Variants in CLDN1 observed in about 807,000 individuals in gnomAD.
CLDN1 encodes claudin-1.
In CLDN1, 12 loss-of-function variants were observed where a neutral mutation model predicts 22.6. The ratio of observed to expected loss-of-function variants is 0.53; its 90% CI spans 0.34 to 0.86. CLDN1 has a LOEUF of 0.86. CLDN1 is among the 40% of genes least tolerant of loss of function. CLDN1 has a pLI of 0.02. For synonymous variants in CLDN1, 99 were observed against 103.8 expected, an observed-to-expected ratio of 0.95 and a Z score of 0.28; for missense variants, 250 against 269.5, an observed-to-expected ratio of 0.93 and a Z score of 0.51.
chr3:190,315,120 T>C (rs1457273776), intron 1 of CLDN1, among the ~76,000 whole-genome samples: 1 of 152,132 alleles, frequency 6.6e-6, no homozygotes, highest in Non-Finnish European at 1.5e-5. Context: ...AAATAACAAA[T>C]AAAATAACTA....
intron 2 of CLDN1, among the ~76,000 whole-genome samples, chr3:190,311,694 C>G (rs151057429): frequency 1.3e-5 from 2 of 150,432 alleles, no homozygotes; most frequent in Non-Finnish European, 3.0e-5. Context: ...ATTATTATAG[C>G]TGTATAATTT....
intron 2 of CLDN1, among the ~76,000 whole-genome samples, chr3:190,312,084 C>T (rs1207403776): frequency 1.3e-5 from 2 of 151,734 alleles, no homozygotes; most frequent in African/African-American, 2.4e-5. Context: ...GCGTGCACCA[C>T]CACACCCAGC....
chr3:190,311,832 G>A (rs1023552241), intron 2 of CLDN1, among the ~76,000 whole-genome samples: 2 of 151,620 alleles, frequency 1.3e-5, no homozygotes, highest in Non-Finnish European at 1.5e-5. Flanking sequence ...TTTTAAATAG[G>A]CATTATTATA....
Position 190,310,261 on chromosome 3 carries a change from A to T in CLDN1, c.389-8T>A. ...CAACTAAAATAGCCAGACCTATAGA[A>T]ATTCAAAACAAAAGACTGTTAATCA... On this transcript the variant is annotated splice_region_variant and splice_polypyrimidine_tract_variant and intron_variant, in intron 2 of 3. Transcript: ENST00000295522. 6.2e-7 allele frequency: 1 copy of T among 1,609,094 alleles called. No individual in the cohort carries two copies. The highest frequency in any genetic ancestry group is 8.5e-7 in the Non-Finnish European group (1 of 1,175,750).
chr3:190,322,188 G>T lies in CLDN1; in HGVS notation c.19C>A (p.Gln7Lys). 3.1e-6 allele frequency: 5 copies of T among 1,613,960 alleles called. No individual in the cohort carries two copies. Among genetic ancestry groups the T allele is most frequent in the Non-Finnish European group, 4.2e-6 (5 of 1,180,026 alleles). MANAGL[Q>K]LLGFILAFLG... ...AAGGCGAGAATGAAGCCCAACAGCT[G>T]CAGCCCCGCGTTGGCCATGACTCGC... Residue 7 changes from glutamine (Q) to lysine (K), a missense_variant, in exon 1 of 4, where the codon CAG becomes AAG. By Grantham distance (53) the Gln-to-Lys change is moderately conservative. Coordinates refer to ENST00000295522, the MANE Select transcript of CLDN1 (RefSeq NM_021101.5).
At chr3:190,319,963 T>A (rs1466399326) in intron 1 of CLDN1, among the ~76,000 whole-genome samples, 1 of 152,184 alleles carries the variant, frequency 6.6e-6, no homozygotes, top group African/African-American at 2.4e-5. Context: ...GAATGGGTTT[T>A]GAGAGAAAGG....
At chr3:190,312,688 T>G (rs1376857095) in intron 2 of CLDN1, among the ~76,000 whole-genome samples, 184 bp downstream of exon 2, 1 of 152,234 alleles carries the variant, frequency 6.6e-6, no homozygotes, top group Non-Finnish European at 1.5e-5. Context: ...CTGTCAGATG[T>G]GAGCAGAGCT....
rs936354853 is a variant in CLDN1 at position 190,315,220 on chromosome 3, T to G, written c.224-2184A>C. ...GGCAGAGATATGCCTGAAGAGGAGA[T>G]GCTGAAAGTAACAAAGATGATCCAT... On this transcript the variant is annotated intron_variant, in intron 1 of 3. Transcript: ENST00000295522. 9.9e-5 allele frequency among the ~76,000 whole-genome samples: 15 copies of G among 152,238 alleles called. No individual in the cohort carries two copies. In the South Asian group the frequency reaches 2.3e-3, roughly 23 times the overall value.
chr3:190,313,646 A>C (rs1467053199), intron 1 of CLDN1, among the ~76,000 whole-genome samples: 1 of 152,220 alleles, frequency 6.6e-6, no homozygotes, highest in Non-Finnish European at 1.5e-5. Context: ...AAAACTAAAC[A>C]AAATAACCTT....
At chr3:190,317,979 G>A (rs561041197) in intron 1 of CLDN1, among the ~76,000 whole-genome samples, 2 of 152,184 alleles carry the variant, frequency 1.3e-5, no homozygotes, top group African/African-American at 4.8e-5. Flanking sequence ...AAAATATTGT[G>A]CTTCCTTCTC....
chr3:190,321,783 G>A (rs1033959101), intron 1 of CLDN1, among the ~76,000 whole-genome samples: 1 of 152,200 alleles, frequency 6.6e-6, no homozygotes, highest in African/African-American at 2.4e-5. Context: ...GGGAGTTAGA[G>A]GCAAAACTAG....
intron 1 of CLDN1, among the ~76,000 whole-genome samples, chr3:190,319,007 C>A (rs1228500904): frequency 6.6e-6 from 1 of 152,102 alleles, no homozygotes; most frequent in African/African-American, 2.4e-5. Flanking sequence ...TCTAGCCTAA[C>A]CTCCCATTTG....
intron 2 of CLDN1, among the ~76,000 whole-genome samples, chr3:190,312,316 T>C (rs1400873598): frequency 6.6e-6 from 1 of 151,968 alleles, no homozygotes; most frequent in Non-Finnish European, 1.5e-5. Context: ...TTTTTTTTCC[T>C]AACTGCTTTA....
rs900134949 is a variant in CLDN1 at position 190,308,614 on chromosome 3, T to C, written c.474-175A>G. 2.6e-5 allele frequency among the ~76,000 whole-genome samples: 4 copies of C among 152,186 alleles called. No individual in the cohort carries two copies. In the South Asian group the frequency reaches 6.2e-4, roughly 24 times the overall value. ...ACATACACGCCAAAGAATGTTTATA[T>C]TGCAATTGGTGACAATTTGCAATAG... On this transcript the variant is annotated intron_variant, in intron 3 of 3. Coordinates refer to ENST00000295522, the MANE Select transcript of CLDN1 (RefSeq NM_021101.5).
At chr3:190,321,516 G>C (rs1170088174) in intron 1 of CLDN1, among the ~76,000 whole-genome samples, 1 of 152,178 alleles carries the variant, frequency 6.6e-6, no homozygotes, top group Non-Finnish European at 1.5e-5. Context: ...TCATATTAAA[G>C]GTTAAAAAGT....
In CLDN1 at chr3:190,312,942, C is replaced by T; in HGVS notation, c.318G>A (p.Lys106=). ...TCTGCACCTCATCGTCTTCCAAGCA[C>T]TTCATACACTTCATGCCAACGGTGG... The part of the protein sequence containing the change: ...FVATVGMKCM[K]CLEDDEVQKM... The change falls in exon 2 of 4, where the codon AAG becomes AAA. Residue 106 remains lysine (K), a synonymous_variant. Transcript: ENST00000295522. The T allele has an allele frequency of 5.0e-6, 8 of 1,614,226 alleles. No individual in the cohort carries two copies. The highest frequency in any genetic ancestry group is 6.8e-6 in the Non-Finnish European group (8 of 1,180,030).
Position 190,308,143 on chromosome 3 carries a change from T to G in CLDN1, c.*134A>C. 9.7e-7 allele frequency: 1 copy of G among 1,035,986 alleles called. No individual in the cohort carries two copies. The highest frequency in any genetic ancestry group is 1.5e-6 in the Non-Finnish European group (1 of 674,300). 64.2% of individuals were successfully genotyped at this position (1,035,986 alleles called of 1,614,324 possible). ...TGAGTATTTTAACACATGGGTTTTT[T>G]GTTTGTTTGTTTGTTTTGTAATACC... On this transcript the variant is annotated 3_prime_UTR_variant, in exon 4 of 4. Coordinates refer to ENST00000295522, the MANE Select transcript of CLDN1 (RefSeq NM_021101.5).
chr3:190,310,762 G>A (rs912533916), intron 2 of CLDN1, among the ~76,000 whole-genome samples: 5 of 152,126 alleles, frequency 3.3e-5, no homozygotes, highest in African/African-American at 7.2e-5. Context: ...CAGAATACCT[G>A]CATTACTACT....
Position 190,308,444 on chromosome 3 carries a change from A to G in CLDN1, c.474-5T>C. The G allele has an allele frequency of 5.6e-6, 9 of 1,613,468 alleles. No individual in the cohort carries two copies. The highest frequency in any genetic ancestry group is 7.6e-6 in the Non-Finnish European group (9 of 1,179,578). ...AGAGCCTGACCAAATTCGTACCTAA[A>G]AGGAAAAACCCATGTGCTTGTTAAT... On this transcript the variant is annotated splice_region_variant and splice_polypyrimidine_tract_variant and intron_variant, in intron 3 of 3. Transcript: ENST00000295522.
Sources: gnomAD v4.1 joint callset for allele counts (sites outside exome capture counted in the v4.1 genomes callset) on GRCh38, gnomAD v4.1.1 for gene constraint, MANE v1.5 for transcripts, NCBI Gene and HGNC (gene_info 2026-07-23, HGNC 2026-07-21) for gene names.